Variants in EXOC6 observed in about 807,000 individuals in gnomAD.
The protein encoded by EXOC6 is exocyst complex component 6.
In EXOC6, 60 loss-of-function variants were observed where a neutral mutation model predicts 112.5. The observed-to-expected ratio is 0.53, with a 90% confidence interval of 0.43 to 0.66. The LOEUF (loss-of-function observed/expected upper bound fraction) is 0.66. EXOC6 is among the 30% of genes least tolerant of loss of function. EXOC6 has a pLI of 0.00. For missense variants in EXOC6, 855 were observed against 957.1 expected (o/e 0.89, Z 1.41); for synonymous variants, 295 against 308.0 (o/e 0.96, Z 0.44).
At chr10:92,865,699 G>A (rs1261889581) in intron 1 of EXOC6, among the ~76,000 whole-genome samples, 3 of 151,754 alleles carry the variant, frequency 2.0e-5, no homozygotes, top group Non-Finnish European at 2.9e-5. Context: ...TGCCTGCCTC[G>A]GCCTCCCAAA....
chr10:92,885,481 G>A (rs1849167784), intron 1 of EXOC6, among the ~76,000 whole-genome samples: 1 of 151,826 alleles, frequency 6.6e-6, no homozygotes, highest in South Asian at 2.1e-4. Context: ...CCGGGTTCAA[G>A]TGATTCTCCT....
At chr10:93,014,049 T>C in intron 19 of EXOC6, 145 bp from the exon 20 acceptor site, 1 of 632,434 alleles carries the variant, frequency 1.6e-6, no homozygotes, top group South Asian at 2.4e-5. Flanking sequence ...GTAGTGGAAA[T>C]TGAAGTTTAT....
chr10:92,917,521 CT>C (rs1200587312), intron 7 of EXOC6, among the ~76,000 whole-genome samples: 5 of 137,650 alleles, frequency 3.6e-5, no homozygotes, highest in East Asian at 4.0e-4. Flanking sequence ...TTCTCTCGTT[CT>C]TTTTTTCTTT....
At chr10:92,931,828 A>G (rs1852056369) in intron 9 of EXOC6, among the ~76,000 whole-genome samples, 1 of 152,074 alleles carries the variant, frequency 6.6e-6, no homozygotes, top group Admixed American at 6.5e-5. Flanking sequence ...GAACTCTCAT[A>G]CACTTCTGAT....
chr10:92,986,136 GACAT>G (rs1564888037), intron 18 of EXOC6, among the ~76,000 whole-genome samples: 1 of 152,080 alleles, frequency 6.6e-6, no homozygotes, highest in Non-Finnish European at 1.5e-5. Flanking sequence ...CACATCCTGT[GACAT>G]ACATGGTAGT....
chr10:92,835,648 G>A (rs1846636646), intron 1 of EXOC6, among the ~76,000 whole-genome samples: 1 of 152,136 alleles, frequency 6.6e-6, no homozygotes, highest in African/African-American at 2.4e-5. Context: ...CCAGGGCCAA[G>A]AGCTTCTAAA....
chr10:93,027,932 A>G (rs1845098638), intron 20 of EXOC6, among the ~76,000 whole-genome samples: 1 of 152,210 alleles, frequency 6.6e-6, no homozygotes, highest in African/African-American at 2.4e-5. Context: ...CTACCATAGA[A>G]TAGTTCCTCT....
chr10:92,930,305 C>G (rs994053127), intron 9 of EXOC6, among the ~76,000 whole-genome samples: 2 of 151,796 alleles, frequency 1.3e-5, no homozygotes, highest in South Asian at 2.1e-4. Context: ...GAGTTTGAGA[C>G]CAGCCTGGCC....
chr10:92,864,128 C>T (rs1458798988), intron 1 of EXOC6, among the ~76,000 whole-genome samples: 1 of 151,954 alleles, frequency 6.6e-6, no homozygotes, highest in Non-Finnish European at 1.5e-5. Context: ...ATAATAAAGT[C>T]CCTATGAAAC....
intron 14 of EXOC6, among the ~76,000 whole-genome samples, chr10:92,950,906 A>T (rs1181149798): frequency 1.3e-5 from 2 of 152,174 alleles, no homozygotes; most frequent in East Asian, 3.9e-4. Flanking sequence ...GAAGAGGGTT[A>T]TGTAACCTGA....
intron 18 of EXOC6, among the ~76,000 whole-genome samples, chr10:92,984,673 T>C (rs1469428808): frequency 6.6e-6 from 1 of 152,218 alleles, no homozygotes. Context: ...TCTGTCTTCA[T>C]GCTTGATTGA....
At chr10:92,847,737 C>A (rs1051607595), upstream of EXOC6, among the ~76,000 whole-genome samples, 8 of 151,996 alleles carry the variant, frequency 5.3e-5, no homozygotes. Context: ...TGCTGCTAAC[C>A]CCCTTTCAAG....
intron 14 of EXOC6, among the ~76,000 whole-genome samples, chr10:92,949,719 A>T (rs746889837): frequency 6.6e-6 from 1 of 151,818 alleles, no homozygotes; most frequent in African/African-American, 2.4e-5. Context: ...CAGCCTCCCA[A>T]GTAGCTGGGA....
upstream of EXOC6, among the ~76,000 whole-genome samples, chr10:92,834,372 A>T (rs552616359): frequency 1.3e-5 from 2 of 152,340 alleles, no homozygotes; most frequent in East Asian, 3.9e-4. Flanking sequence ...GCCTTGTCAA[A>T]TCAAATGCAT....
At chr10:92,882,309 C>A (rs1245954512) in intron 1 of EXOC6, among the ~76,000 whole-genome samples, 2 of 151,896 alleles carry the variant, frequency 1.3e-5, no homozygotes, top group Non-Finnish European at 2.9e-5. Context: ...TTTGGGAGGC[C>A]AAAGCAGGTG....
intron 8 of EXOC6, among the ~76,000 whole-genome samples, chr10:92,921,495 G>A (rs761919292): frequency 2.6e-5 from 4 of 151,906 alleles, no homozygotes; most frequent in African/African-American, 4.8e-5. Flanking sequence ...TGATCCACCC[G>A]TCTCGGCCTC....
At chr10:93,011,083 A>G (rs776369462) in intron 19 of EXOC6, among the ~76,000 whole-genome samples, 9 of 152,128 alleles carry the variant, frequency 5.9e-5, no homozygotes, top group Non-Finnish European at 1.0e-4. Flanking sequence ...TTTGTGCCTG[A>G]TAAAATGAGT....
At chr10:92,867,525 CA>C (rs2133706113) in intron 1 of EXOC6, among the ~76,000 whole-genome samples, 1 of 152,212 alleles carries the variant, frequency 6.6e-6, no homozygotes, top group East Asian at 1.9e-4. Context: ...CCATGAGGTG[CA>C]ATTATCTGAT....
intron 12 of EXOC6, among the ~76,000 whole-genome samples, chr10:92,938,760 A>G: frequency 6.6e-6 from 1 of 152,162 alleles, no homozygotes; most frequent in East Asian, 1.9e-4. Context: ...GCTTCAAGAA[A>G]TTCACAGTTT....
Sources: gnomAD v4.1 joint callset for allele counts (sites outside exome capture counted in the v4.1 genomes callset) on GRCh38, gnomAD v4.1.1 for gene constraint, MANE v1.5 for transcripts, NCBI Gene and HGNC (gene_info 2026-07-23, HGNC 2026-07-21) for gene names.